The following ZDHHC20 variants were observed in gnomAD, a reference collection of about 807,000 sequenced individuals.
The protein encoded by ZDHHC20 is palmitoyltransferase ZDHHC20.
Under a neutral mutation model 57.8 loss-of-function variants are expected in ZDHHC20, and 43 were observed. That is an observed-to-expected ratio of 0.74 (90% CI 0.58 to 0.96). ZDHHC20 has a LOEUF of 0.96. Ranked by LOEUF, ZDHHC20 falls within the 40% of genes least tolerant of loss-of-function variation. The pLI is 0.00. For missense variants in ZDHHC20, 391 were observed against 441.1 expected (o/e 0.89, Z 1.02); for synonymous variants, 157 against 153.0 (o/e 1.03, Z -0.19).
chr13:21,418,971 C>A (rs1348833294), intron 3 of ZDHHC20, among the ~76,000 whole-genome samples: 1 of 152,204 alleles, frequency 6.6e-6, no homozygotes, highest in Non-Finnish European at 1.5e-5. Context: ...GCCACCACGC[C>A]TGGCCTGCAT....
At chr13:21,398,561 A>G (rs1877167027) in intron 7 of ZDHHC20, among the ~76,000 whole-genome samples, 1 of 152,138 alleles carries the variant, frequency 6.6e-6, no homozygotes, top group Admixed American at 6.5e-5. Context: ...CATACATGGC[A>G]TTTACATGTA....
intron 2 of ZDHHC20, among the ~76,000 whole-genome samples, chr13:21,422,249 A>G (rs1331511452): frequency 2.0e-5 from 3 of 151,052 alleles, no homozygotes; most frequent in Admixed American, 2.0e-4. Flanking sequence ...TAAAGTGTTC[A>G]CTGGTCTGCG....
chr13:21,415,982 C>T (rs1179000510), intron 3 of ZDHHC20, among the ~76,000 whole-genome samples: 1 of 151,882 alleles, frequency 6.6e-6, no homozygotes, highest in African/African-American at 2.4e-5. Flanking sequence ...GCTGGTGGAT[C>T]ACGAGGTCAG....
chr13:21,388,096 G>A (rs1053632320), intron 8 of ZDHHC20, among the ~76,000 whole-genome samples: 3 of 152,062 alleles, frequency 2.0e-5, no homozygotes, highest in Non-Finnish European at 4.4e-5. Context: ...TGGCCATGAC[G>A]TACTGGGAGC....
At chr13:21,424,726 A>G (rs1487299484) in intron 2 of ZDHHC20, among the ~76,000 whole-genome samples, 2 of 149,334 alleles carry the variant, frequency 1.3e-5, no homozygotes, top group Non-Finnish European at 3.0e-5. Flanking sequence ...AAAAAAAAAG[A>G]CTCTGAGAGA....
intron 3 of ZDHHC20, among the ~76,000 whole-genome samples, chr13:21,415,825 G>A (rs936945059): frequency 6.6e-6 from 1 of 152,040 alleles, no homozygotes; most frequent in Non-Finnish European, 1.5e-5. Context: ...AGATTTCCCT[G>A]GGCTATCCTA....
At chr13:21,409,694 T>C (rs996763355) in intron 4 of ZDHHC20, among the ~76,000 whole-genome samples, 17 of 152,194 alleles carry the variant, frequency 1.1e-4, no homozygotes, top group Non-Finnish European at 2.2e-4. Context: ...TTGATACTTG[T>C]GTATGCTTCA....
intron 1 of ZDHHC20, among the ~76,000 whole-genome samples, chr13:21,430,683 C>T (rs1881809612): frequency 1.3e-5 from 2 of 152,156 alleles, no homozygotes; most frequent in South Asian, 4.1e-4. Context: ...CCTGGCTTGA[C>T]TAATAAAACT....
chr13:21,381,614 A>C, intron 10 of ZDHHC20, 65 bp from the exon 11 acceptor site: 1 of 1,085,548 alleles, frequency 9.2e-7, no homozygotes, highest in Non-Finnish European at 1.4e-6. Flanking sequence ...TTAATAAATT[A>C]ATAAGCAGCA....
intron 4 of ZDHHC20, among the ~76,000 whole-genome samples, chr13:21,408,354 C>G (rs1159567712): frequency 6.6e-6 from 1 of 152,068 alleles, no homozygotes; most frequent in Non-Finnish European, 1.5e-5. Flanking sequence ...TAAGCTTATT[C>G]CTAGGTATTT....
intron 1 of ZDHHC20, among the ~76,000 whole-genome samples, chr13:21,430,253 C>G (rs1426016502): frequency 6.6e-6 from 1 of 152,076 alleles, no homozygotes; most frequent in East Asian, 1.9e-4. Flanking sequence ...CACCTTGTTG[C>G]CATCAGGTGG....
chr13:21,389,611 G>C (rs559820209), intron 8 of ZDHHC20, among the ~76,000 whole-genome samples: 78 of 152,268 alleles, frequency 5.1e-4, no homozygotes, highest in Middle Eastern at 3.4e-3. Context: ...AGAATAGCAG[G>C]TTCCCTAGAA....
At chr13:21,412,315 T>C (rs1236867116) in intron 4 of ZDHHC20, among the ~76,000 whole-genome samples, 1 of 152,130 alleles carries the variant, frequency 6.6e-6, no homozygotes, top group Non-Finnish European at 1.5e-5. Flanking sequence ...AACTATTAAA[T>C]AAAACAAATT....
At chr13:21,440,072 A>G (rs1435597216) in intron 1 of ZDHHC20, among the ~76,000 whole-genome samples, 2 of 23,724 alleles carry the variant, frequency 8.4e-5, no homozygotes, top group African/African-American at 2.9e-4. Context: ...TTCTCAGAAA[A>G]AAAAAAAAAA....
chr13:21,441,447 G>T (rs1288627507), intron 1 of ZDHHC20, among the ~76,000 whole-genome samples: 1 of 149,734 alleles, frequency 6.7e-6, no homozygotes, highest in Non-Finnish European at 1.5e-5. Flanking sequence ...GTGCAGTGGC[G>T]CGATCTCCAC....
chr13:21,438,497 TG>T (rs1882784046), intron 1 of ZDHHC20, among the ~76,000 whole-genome samples: 1 of 152,178 alleles, frequency 6.6e-6, no homozygotes, highest in Non-Finnish European at 1.5e-5. Context: ...AGCCTGAAGA[TG>T]TGATGGAATT....
At chr13:21,446,146 G>T (rs1883674142) in intron 1 of ZDHHC20, among the ~76,000 whole-genome samples, 1 of 152,238 alleles carries the variant, frequency 6.6e-6, no homozygotes, top group Non-Finnish European at 1.5e-5. Flanking sequence ...AAGCAAAGTG[G>T]AAAGCCATCA....
intron 4 of ZDHHC20, among the ~76,000 whole-genome samples, chr13:21,412,401 A>G (rs1237616152): frequency 6.6e-6 from 1 of 152,248 alleles, no homozygotes. Context: ...GTGAAAGGAC[A>G]GTACAGAAAA....
chr13:21,418,918 C>T (rs1046887180), intron 3 of ZDHHC20, among the ~76,000 whole-genome samples: 5 of 152,168 alleles, frequency 3.3e-5, no homozygotes, highest in African/African-American at 1.2e-4. Flanking sequence ...AAGTGATCTG[C>T]CTGCCTGCCT....
Sources: gnomAD v4.1 joint callset for allele counts (sites outside exome capture counted in the v4.1 genomes callset) on GRCh38, gnomAD v4.1.1 for gene constraint, MANE v1.5 for transcripts, NCBI Gene and HGNC (gene_info 2026-07-23, HGNC 2026-07-21) for gene names.